Variants in NPSR1 observed in about 807,000 individuals in gnomAD.
The protein encoded by NPSR1 is neuropeptide S receptor 1, also known as neuropeptide S receptor.
NPSR1 carries 48 observed loss-of-function variants against 46.9 expected under a neutral mutation model. The ratio of observed to expected loss-of-function variants is 1.02; its 90% CI spans 0.81 to 1.30. The LOEUF (loss-of-function observed/expected upper bound fraction) is 1.30. NPSR1 is among the 50% of genes most tolerant of loss of function. The probability of loss-of-function intolerance (pLI) is 0.00; values close to 1 mark genes in which losing one functional copy is unlikely to be tolerated. For missense variants in NPSR1, 450 were observed against 449.5 expected, an observed-to-expected ratio of 1.00 and a Z score of -0.01; for synonymous variants, 176 against 168.1, an observed-to-expected ratio of 1.05 and a Z score of -0.36.
chr7:34,681,923 T>G (rs1406161500), intron 1 of NPSR1, among the ~76,000 whole-genome samples: 1 of 152,150 alleles, frequency 6.6e-6, no homozygotes, highest in Non-Finnish European at 1.5e-5. Context: ...GATTATATAA[T>G]TGACTATCCA....
At chr7:34,838,038 C>T (rs1790435099) in intron 6 of NPSR1, among the ~76,000 whole-genome samples, 2 of 152,122 alleles carry the variant, frequency 1.3e-5, no homozygotes, top group African/African-American at 4.8e-5. Flanking sequence ...CCCTGCTTGT[C>T]CCTCTGAGCA....
At chr7:34,668,688 G>A (rs1396020131) in intron 1 of NPSR1, among the ~76,000 whole-genome samples, 2 of 152,154 alleles carry the variant, frequency 1.3e-5, no homozygotes, top group Admixed American at 6.5e-5. Context: ...TAATCTCTCA[G>A]GGAACCAGTT....
intron 1 of NPSR1, among the ~76,000 whole-genome samples, chr7:34,671,046 C>G (rs1018810261): frequency 6.6e-6 from 1 of 152,016 alleles, no homozygotes; most frequent in Non-Finnish European, 1.5e-5. Flanking sequence ...ACAAAGACTG[C>G]ATTAAGTTGT....
At chr7:34,674,066 G>A (rs1401411083) in intron 1 of NPSR1, among the ~76,000 whole-genome samples, 1 of 152,172 alleles carries the variant, frequency 6.6e-6, no homozygotes, top group Non-Finnish European at 1.5e-5. Flanking sequence ...GGAGATGGCT[G>A]TCAGGGAGAA....
chr7:34,768,856 T>G (rs532291205), intron 2 of NPSR1, among the ~76,000 whole-genome samples: 1 of 152,098 alleles, frequency 6.6e-6, no homozygotes, highest in African/African-American at 2.4e-5. Flanking sequence ...ATAAGGAGGA[T>G]GCGGTGACTG....
chr7:34,789,979 T>G (rs768739434), intron 3 of NPSR1, among the ~76,000 whole-genome samples: 3 of 151,896 alleles, frequency 2.0e-5, no homozygotes, highest in Non-Finnish European at 4.4e-5. Flanking sequence ...TTTCTCAAAG[T>G]CTTCCCCCAA....
chr7:34,748,004 GC>G (rs1785300216), intron 2 of NPSR1, among the ~76,000 whole-genome samples: 1 of 152,106 alleles, frequency 6.6e-6, no homozygotes, highest in Non-Finnish European at 1.5e-5. Flanking sequence ...GTGCAGCAAG[GC>G]TTTTGGCCAG....
At chr7:34,815,422 T>C (rs1039459772) in intron 4 of NPSR1, among the ~76,000 whole-genome samples, 4 of 152,066 alleles carry the variant, frequency 2.6e-5, no homozygotes, top group Non-Finnish European at 5.9e-5. Flanking sequence ...TGGTACTATG[T>C]GAAAAGACCA....
intron 3 of NPSR1, among the ~76,000 whole-genome samples, chr7:34,795,357 A>G (rs1346685876): frequency 6.6e-6 from 1 of 152,186 alleles, no homozygotes; most frequent in Non-Finnish European, 1.5e-5. Flanking sequence ...TAAGATTAGG[A>G]AGAAAACAAG....
intron 2 of NPSR1, among the ~76,000 whole-genome samples, chr7:34,756,171 G>T (rs2128726624): frequency 6.6e-6 from 1 of 152,254 alleles, no homozygotes; most frequent in Admixed American, 6.5e-5. Flanking sequence ...AGCTCGGATT[G>T]TTCTCCCCAC....
intron 2 of NPSR1, among the ~76,000 whole-genome samples, chr7:34,690,585 T>A (rs1028305856): frequency 6.6e-6 from 1 of 151,804 alleles, no homozygotes; most frequent in African/African-American, 2.4e-5. Flanking sequence ...AAAAACAAAA[T>A]AAAAGTGAAA....
At chr7:34,807,111 C>T (rs1562743914) in intron 3 of NPSR1, among the ~76,000 whole-genome samples, 1 of 151,804 alleles carries the variant, frequency 6.6e-6, no homozygotes, top group East Asian at 1.9e-4. Context: ...CTTTGATTTC[C>T]TTCTTGACTC....
chr7:34,725,383 T>C lies in NPSR1; in HGVS notation c.280+40699T>C, dbSNP rs1254520747. Among the ~76,000 whole-genome samples, 4 of 152,312 alleles carry C rather than the reference T, an allele frequency of 2.6e-5. No individual in the cohort carries two copies. The East Asian group carries it at 7.7e-4, about 29-fold the overall frequency. On this transcript the variant is annotated intron_variant, in intron 2 of 8. Transcript: ENST00000360581. ...TCCCAAATCCTCTACCGGGATAAGATCACGCTATCTTGACAGCCACTCTAG... is the reference window on the plus strand; with the variant it reads ...TCCCAAATCCTCTACCGGGATAAGACCACGCTATCTTGACAGCCACTCTAG...
At chr7:34,790,635 A>G (rs1324777957) in intron 3 of NPSR1, among the ~76,000 whole-genome samples, 2 of 142,880 alleles carry the variant, frequency 1.4e-5, no homozygotes, top group Non-Finnish European at 3.1e-5. Context: ...AAAATATATA[A>G]TTTATATATA....
intron 3 of NPSR1, among the ~76,000 whole-genome samples, chr7:34,794,937 G>A (rs921655244): frequency 1.3e-5 from 2 of 152,140 alleles, no homozygotes; most frequent in African/African-American, 4.8e-5. Flanking sequence ...TACTTGGGAG[G>A]TTGAGGCAGG....
chr7:34,868,383 C>A (rs771401658), intron 8 of NPSR1, among the ~76,000 whole-genome samples: 4 of 151,628 alleles, frequency 2.6e-5, no homozygotes, highest in Non-Finnish European at 5.9e-5. Flanking sequence ...CTAACCCAAA[C>A]AAGGAGAAAA....
intron 4 of NPSR1, among the ~76,000 whole-genome samples, chr7:34,825,966 ATCT>A (rs1227234781): frequency 2.0e-5 from 3 of 152,128 alleles, no homozygotes; most frequent in Non-Finnish European, 4.4e-5. Context: ...TTAACTTGAA[ATCT>A]TCTTGGGAAT....
At chr7:34,692,716 A>G (rs915711988) in intron 2 of NPSR1, among the ~76,000 whole-genome samples, 1 of 152,164 alleles carries the variant, frequency 6.6e-6, no homozygotes, top group Non-Finnish European at 1.5e-5. Context: ...TCAGAGCACA[A>G]TGACATGAGA....
At chr7:34,756,014 AG>A in intron 2 of NPSR1, among the ~76,000 whole-genome samples, 1 of 152,298 alleles carries the variant, frequency 6.6e-6, no homozygotes, top group East Asian at 1.9e-4. Context: ...GTACAAATAC[AG>A]GTCTCTGAAT....
Sources: allele counts gnomAD v4.1 joint callset (sites outside exome capture counted in the v4.1 genomes callset), GRCh38; gene constraint gnomAD v4.1.1; transcripts MANE v1.5; gene names NCBI Gene and HGNC (gene_info 2026-07-23, HGNC 2026-07-21).